The following DACH2 variants were observed in gnomAD, a reference collection of about 807,000 sequenced individuals.
The protein encoded by DACH2 is dachshund family transcription factor 2.
In DACH2, 17 loss-of-function variants were observed where a neutral mutation model predicts 35.8. The ratio of observed to expected loss-of-function variants is 0.48; its 90% confidence interval spans 0.33 to 0.71. The LOEUF is 0.71. DACH2 is among the 30% of genes least tolerant of loss of function. The pLI is 0.02. For missense variants in DACH2, 469 were observed against 472.7 expected (o/e 0.99, Z 0.07); for synonymous variants, 195 against 177.3 (o/e 1.10, Z -0.79).
intron 7 of DACH2, among the ~76,000 whole-genome samples, chrX:86,755,892 C>T (rs918580636): frequency 4.5e-5 from 5 of 110,742 alleles, no homozygotes; most frequent in African/African-American, 9.9e-5. Flanking sequence ...CCACCGTGCT[C>T]GGCCGACCTG....
At position 86,486,870 on chromosome X, in the gene DACH2, T is replaced by C. The variant is rs148457805; in HGVS notation, c.528-27409T>C. On this transcript the variant is annotated intron_variant, in intron 2 of 11. Coordinates refer to ENST00000373125, the MANE Select transcript of DACH2 (RefSeq NM_053281.3). The stretch of plus-strand genomic sequence containing the variant: ...GAACCTTAGCATAGTGCTAGACATA[T>C]ACTATGGGTTAATTTACCAGTATTT... Among the ~76,000 whole-genome samples, 12 of 111,744 alleles carry C rather than the reference T, an allele frequency of 1.1e-4. No individual in the cohort carries two copies. The East Asian group carries it at 1.4e-3, about 13-fold the overall frequency.
chrX:86,601,283 A>T (rs868410395), intron 3 of DACH2, among the ~76,000 whole-genome samples: 2 of 111,988 alleles, frequency 1.8e-5, no homozygotes, highest in Non-Finnish European at 3.8e-5. Flanking sequence ...GTTTTAAAAA[A>T]TTCAAATATT....
chrX:86,169,742 T>C (rs982635966), intron 1 of DACH2, among the ~76,000 whole-genome samples: 2 of 110,913 alleles, frequency 1.8e-5, no homozygotes, highest in African/African-American at 6.6e-5. Context: ...AATTCTGAAT[T>C]CCTTCTTTGC....
chrX:86,597,165 C>A (rs1773894349), intron 3 of DACH2, among the ~76,000 whole-genome samples: 1 of 111,680 alleles, frequency 9.0e-6, no homozygotes, highest in Admixed American at 9.5e-5. Flanking sequence ...CCTAGTTCTG[C>A]AAAAAGGCAA....
intron 5 of DACH2, among the ~76,000 whole-genome samples, chrX:86,700,364 C>A (rs140847856): frequency 8.7e-4 from 97 of 110,934 alleles, no homozygotes; most frequent in African/African-American, 2.9e-3. Flanking sequence ...ATGTTGAAGT[C>A]TCTCACTATT....
intron 1 of DACH2, among the ~76,000 whole-genome samples, chrX:86,316,678 G>C (rs758586367): frequency 1.8e-5 from 2 of 111,352 alleles, no homozygotes; most frequent in South Asian, 7.6e-4. Flanking sequence ...GTTGTGTGGG[G>C]AACAGCAGCT....
At chrX:86,208,202 A>AT (rs1363909112) in intron 1 of DACH2, among the ~76,000 whole-genome samples, 31 of 105,591 alleles carry the variant, frequency 2.9e-4, no homozygotes, top group Non-Finnish European at 4.9e-4. Flanking sequence ...AAATAATAAT[A>AT]ATTTTTTTTT....
intron 4 of DACH2, among the ~76,000 whole-genome samples, chrX:86,679,957 G>C (rs1318578520): frequency 4.5e-5 from 5 of 110,934 alleles, no homozygotes; most frequent in Non-Finnish European, 9.4e-5. Context: ...AGAATACCTA[G>C]TCTATTAGTG....
intron 2 of DACH2, among the ~76,000 whole-genome samples, chrX:86,502,985 T>C (rs1173058743): frequency 8.9e-6 from 1 of 112,038 alleles, no homozygotes; most frequent in Non-Finnish European, 1.9e-5. Flanking sequence ...TAGGGGATTC[T>C]GTCACAGAAA....
chrX:86,703,114 T>C (rs754884732), intron 5 of DACH2, among the ~76,000 whole-genome samples: 30 of 111,282 alleles, frequency 2.7e-4, no homozygotes, highest in African/African-American at 9.4e-4. Context: ...GATGGGTCAA[T>C]GTACTCAAGT....
chrX:86,167,205 G>A (rs765768734), intron 1 of DACH2, among the ~76,000 whole-genome samples: 1 of 111,300 alleles, frequency 9.0e-6, no homozygotes, highest in African/African-American at 3.2e-5. Flanking sequence ...TTCTTCACTG[G>A]GGGAATTTTT....
intron 3 of DACH2, among the ~76,000 whole-genome samples, chrX:86,624,066 A>AC (rs2040103996): frequency 1.1e-5 from 1 of 94,055 alleles, no homozygotes; most frequent in Non-Finnish European, 2.2e-5. Flanking sequence ...AAAACAAAAA[A>AC]AAAAAAAAAA....
At chrX:86,398,933 A>G (rs2036360488) in intron 2 of DACH2, among the ~76,000 whole-genome samples, 1 of 111,286 alleles carries the variant, frequency 9.0e-6, no homozygotes, top group Non-Finnish European at 1.9e-5. Context: ...CAATTCCTGG[A>G]TATCCTTGTT....
chrX:86,716,776 G>C (rs772620159), intron 6 of DACH2, among the ~76,000 whole-genome samples: 2 of 111,980 alleles, frequency 1.8e-5, no homozygotes, highest in Admixed American at 1.9e-4. Context: ...CCTGGAAATG[G>C]AAAAGATAAT....
At chrX:86,295,340 C>A in intron 1 of DACH2, among the ~76,000 whole-genome samples, 1 of 112,206 alleles carries the variant, frequency 8.9e-6, no homozygotes, top group East Asian at 2.8e-4. Context: ...GTGAGATGAA[C>A]CCAGTACCTC....
intron 2 of DACH2, among the ~76,000 whole-genome samples, chrX:86,494,033 A>G (rs2038131918): frequency 8.9e-6 from 1 of 111,845 alleles, no homozygotes; most frequent in African/African-American, 3.2e-5. Flanking sequence ...TTAGAAGGCC[A>G]CAAGGTGCTC....
At chrX:86,249,452 G>T (rs2033356038) in intron 1 of DACH2, among the ~76,000 whole-genome samples, 1 of 111,494 alleles carries the variant, frequency 9.0e-6, no homozygotes, top group Non-Finnish European at 1.9e-5. Context: ...ATGAAAAAAT[G>T]TTCAATATCA....
intron 2 of DACH2, among the ~76,000 whole-genome samples, chrX:86,439,032 C>T (rs946890467): frequency 8.9e-6 from 1 of 111,924 alleles, no homozygotes; most frequent in Non-Finnish European, 1.9e-5. Context: ...GAATATAGTT[C>T]TCTTCACATC....
chrX:86,566,200 A>T (rs909644345), intron 3 of DACH2, among the ~76,000 whole-genome samples: 1 of 112,060 alleles, frequency 8.9e-6, no homozygotes, highest in African/African-American at 3.2e-5. Context: ...ACTACAATGA[A>T]GTCATTTAAA....
Sources: allele counts gnomAD v4.1 joint callset (sites outside exome capture counted in the v4.1 genomes callset), GRCh38; gene constraint gnomAD v4.1.1; transcripts MANE v1.5; gene names NCBI Gene and HGNC (gene_info 2026-07-23, HGNC 2026-07-21).